NUP98: variants seen among roughly 807,000 people sequenced by gnomAD.
NUP98 encodes the protein nuclear pore complex protein Nup98-Nup96.
Under a neutral mutation model 191.9 loss-of-function variants are expected in NUP98, and 26 were observed. The ratio of observed to expected loss-of-function variants is 0.14; its 90% confidence interval spans 0.10 to 0.19. NUP98 has a LOEUF of 0.19. Among genes scored for constraint, NUP98 ranks in the 10% least tolerant of loss-of-function variants. NUP98 has a pLI of 1.00. For synonymous variants in NUP98, 808 were observed against 778.4 expected (o/e 1.04, Z -0.63); for missense variants, 1,941 against 2,178.8 (o/e 0.89, Z 2.17).
intron 8 of NUP98, among the ~76,000 whole-genome samples, chr11:3,763,946 T>C (rs2081257715): frequency 6.6e-6 from 1 of 152,250 alleles, no homozygotes; most frequent in African/African-American, 2.4e-5. Context: ...GGAAAAATAT[T>C]GTGCTAATAG....
Position 3,723,305 on chromosome 11 carries a change from A to G in NUP98, c.1998T>C (p.Ser666=), listed in dbSNP as rs754473639. 9.2e-5 allele frequency: 148 copies of G among 1,613,956 alleles called. No homozygotes were observed. The highest frequency in any genetic ancestry group is 1.2e-4 in the Non-Finnish European group (140 of 1,180,016). Residue 666 remains serine (S), a synonymous_variant, in exon 16 of 33, where the codon AGT becomes AGC. Transcript: ENST00000324932. ...TTAATGCAACAATGGTATCATCCAC[A>G]CTGTTGCTGTTGCTGTGTTTATTTC... is the stretch of plus-strand genomic sequence containing the variant. ...SAGNKHSNSN[S]VDDTIVALNM... is the part of the protein sequence containing the mutation.
chr11:3,714,471 T>C (rs1243691980), intron 18 of NUP98, among the ~76,000 whole-genome samples: 1 of 152,210 alleles, frequency 6.6e-6, no homozygotes, highest in Non-Finnish European at 1.5e-5. Context: ...CTAATATTAA[T>C]ACCAGAGTTC....
At chr11:3,794,439 G>A (rs959715892) in intron 1 of NUP98, among the ~76,000 whole-genome samples, 6 of 151,988 alleles carry the variant, frequency 3.9e-5, no homozygotes, top group Non-Finnish European at 7.4e-5. Context: ...TCCTCCCTCA[G>A]CCTCCCGAGT....
intron 20 of NUP98, chr11:3,712,253 A>G (rs543835781): frequency 3.5e-6 from 4 of 1,138,042 alleles, no homozygotes; most frequent in Non-Finnish European, 4.3e-6. Context: ...ATGAACCCAC[A>G]TGAGCAAATC....
intron 4 of NUP98, among the ~76,000 whole-genome samples, chr11:3,776,775 A>T (rs2081746360): frequency 8.0e-6 from 1 of 124,604 alleles, no homozygotes; most frequent in Non-Finnish European, 1.7e-5. Flanking sequence ...TACAGGTGTG[A>T]GCCACAGTGC....
chr11:3,693,704 T>C (rs2078396895), intron 26 of NUP98, among the ~76,000 whole-genome samples: 1 of 152,124 alleles, frequency 6.6e-6, no homozygotes, highest in Non-Finnish European at 1.5e-5. Flanking sequence ...CAGGATTTAA[T>C]CAATCAATCA....
At chr11:3,797,270 G>A (rs2082696309) in intron 1 of NUP98, 130 bp downstream of exon 1, 3 of 397,192 alleles carry the variant, frequency 7.6e-6, no homozygotes, top group Non-Finnish European at 8.9e-6. Context: ...CCTCTCTCAG[G>A]CCAGAAGGTG....
chr11:3,717,566 G>A (rs529140110), intron 18 of NUP98, among the ~76,000 whole-genome samples: 1 of 152,266 alleles, frequency 6.6e-6, no homozygotes, highest in African/African-American at 2.4e-5. Context: ...TTTATAACTA[G>A]TAAGTTTTTT....
chr11:3,692,594 C>CAA (rs34136134), intron 27 of NUP98, among the ~76,000 whole-genome samples: 11 of 136,222 alleles, frequency 8.1e-5, no homozygotes, highest in Middle Eastern at 3.7e-3. Context: ...GACTCCATCT[C>CAA]AAAAAAAAAA....
intron 1 of NUP98, among the ~76,000 whole-genome samples, chr11:3,784,457 T>C (rs12222813): frequency 0.29 from 44,079 of 151,842 alleles, 6,923 homozygotes; most frequent in African/African-American, 0.4. Flanking sequence ...CTTTTCAAAA[T>C]ACAAACTCTG....
At chr11:3,749,684 A>C (rs148419459) in intron 11 of NUP98, among the ~76,000 whole-genome samples, 9 of 152,232 alleles carry the variant, frequency 5.9e-5, no homozygotes, top group Admixed American at 5.9e-4. Context: ...TAGGTGCAGA[A>C]AAAAAGAAAC....
intron 12 of NUP98, among the ~76,000 whole-genome samples, chr11:3,736,684 T>C (rs1422056407): frequency 2.6e-5 from 4 of 152,214 alleles, no homozygotes; most frequent in African/African-American, 7.2e-5. Context: ...GGTTATGTAG[T>C]TATTAAAAAT....
At position 3,731,592 on chromosome 11, in the gene NUP98, G is replaced by T; in HGVS notation, c.1543-14C>A. ...TGGTTTCAATCTCTGAAAAACAAAA[G>T]CATCAAGGAAATTTTTGGTTTACTT... On this transcript the variant is annotated splice_polypyrimidine_tract_variant and intron_variant, in intron 13 of 32. Transcript: ENST00000324932. 6.6e-7 allele frequency: 1 copy of T among 1,506,644 alleles called. No individual in the cohort carries two copies. The highest frequency in any genetic ancestry group is 8.9e-7 in the Non-Finnish European group (1 of 1,123,730). 93.3% of individuals were successfully genotyped at this position (1,506,644 alleles called of 1,614,324 possible). A position where few individuals can be genotyped will look rare whatever the true frequency, so the allele number is the denominator to read the frequency against.
chr11:3,689,370 C>CA (rs1016179769), intron 28 of NUP98, among the ~76,000 whole-genome samples: 4 of 151,808 alleles, frequency 2.6e-5, no homozygotes, highest in African/African-American at 9.7e-5. Flanking sequence ...ACTAAAAATA[C>CA]AAAAAAATTA....
rs2082729170 is a variant in NUP98 at position 3,797,481 on chromosome 11, A to C, written c.-110T>G. ...ACAGAGCAGCGCGCGGCCCCCACGAAACCGTCGCCGCCGCCGCTACCACCC... is the reference window on the plus strand; with the variant it reads ...ACAGAGCAGCGCGCGGCCCCCACGACACCGTCGCCGCCGCCGCTACCACCC... On this transcript the variant is annotated 5_prime_UTR_variant, in exon 1 of 33. Transcript: ENST00000324932. 1 of 432,500 alleles carries C rather than the reference A, an allele frequency of 2.3e-6. No individual in the cohort carries two copies. The highest frequency in any genetic ancestry group is 2.1e-5 in the African/African-American group (1 of 48,694). The allele number at this position is 432,500 out of a possible 1,614,324, so 26.8% of individuals were successfully genotyped here. A position where few individuals can be genotyped will look rare whatever the true frequency, so the allele number is the denominator to read the frequency against.
At chr11:3,773,507 G>T in intron 6 of NUP98, 125 bp downstream of exon 6, 1 of 505,544 alleles carries the variant, frequency 2.0e-6, no homozygotes, top group African/African-American at 2.0e-5. Flanking sequence ...TTTGGTTAAT[G>T]TTAATTTTTT....
At chr11:3,677,945 T>C (rs2077870189) in intron 31 of NUP98, among the ~76,000 whole-genome samples, 1 of 151,288 alleles carries the variant, frequency 6.6e-6, no homozygotes, top group Non-Finnish European at 1.5e-5. Context: ...GAGACCAGCC[T>C]GGCCAACATG....
Position 3,699,305 on chromosome 11 carries a change from T to C in NUP98, c.3786A>G (p.Leu1262=), listed in dbSNP as rs143612734. 189 of 1,614,182 alleles carry C rather than the reference T, an allele frequency of 1.2e-4. 2 individuals are homozygous for C. In the South Asian group the frequency reaches 1.6e-3, roughly 14 times the overall value. The change falls in exon 25 of 33, where the codon CTA becomes CTG. Residue 1262 remains leucine (L), a synonymous_variant. Coordinates refer to ENST00000324932, the MANE Select transcript of NUP98 (RefSeq NM_016320.5). Reference sequence around the variant, plus strand: ...TGTCAAGCTCCTTCAGGTGGCCCCATAGGGCTTCACATAGTGTCCATGTCA... The same window carrying C: ...TGTCAAGCTCCTTCAGGTGGCCCCACAGGGCTTCACATAGTGTCCATGTCA... ...WSLTWTLCEA[L]WGHLKELDSQ...
At chr11:3,796,976 C>G (rs1369658225) in intron 1 of NUP98, among the ~76,000 whole-genome samples, 1 of 152,224 alleles carries the variant, frequency 6.6e-6, no homozygotes, top group African/African-American at 2.4e-5. Context: ...GGGGTGCCCA[C>G]TTCCCTTATG....
Sources: allele counts gnomAD v4.1 joint callset (sites outside exome capture counted in the v4.1 genomes callset), GRCh38; gene constraint gnomAD v4.1.1; transcripts MANE v1.5; gene names NCBI Gene and HGNC (gene_info 2026-07-23, HGNC 2026-07-21).